NAP1L1: variants seen among roughly 807,000 people sequenced by gnomAD.
NAP1L1 encodes nucleosome assembly protein 1 like 1.
In NAP1L1, 9 loss-of-function variants were observed where a neutral mutation model predicts 58.9. The ratio of observed to expected loss-of-function variants is 0.15; its 90% CI spans 0.09 to 0.27. The LOEUF is 0.27. Among genes scored for constraint, NAP1L1 ranks in the 10% least tolerant of loss-of-function variants. NAP1L1 has a pLI of 1.00. For missense variants in NAP1L1, 302 were observed against 458.8 expected (o/e 0.66, Z 3.12); for synonymous variants, 130 against 138.3 (o/e 0.94, Z 0.42).
chr12:76,068,691 A>G (rs148698428), intron 3 of NAP1L1: 33 of 445,464 alleles, frequency 7.4e-5, no homozygotes, highest in African/African-American at 6.6e-4. Flanking sequence ...GGATGCAAAC[A>G]ATGACTTCTA....
At chr12:76,075,075 C>T (rs1442476382) in intron 1 of NAP1L1, among the ~76,000 whole-genome samples, 1 of 152,070 alleles carries the variant, frequency 6.6e-6, no homozygotes, top group East Asian at 1.9e-4. Flanking sequence ...TGTGTTATAT[C>T]CAGGCAGAAA....
rs1004194764 is a variant in NAP1L1 at position 76,044,573 on chromosome 12, A to G, written c.*3856T>C. On this transcript the variant is annotated 3_prime_UTR_variant, in exon 15 of 15. Coordinates refer to ENST00000618691, the MANE Select transcript of NAP1L1 (RefSeq NM_004537.7). ...GCCTCAATAAGCCCACTGTAAGTCA[A>G]AAATATCATAAGTAGAAGATGTGTT... 2 of 152,214 alleles carry G rather than the reference A, an allele frequency of 1.3e-5. No homozygotes were observed. The highest frequency in any genetic ancestry group is 2.9e-5 in the Non-Finnish European group (2 of 68,042). 9.4% of individuals were successfully genotyped at this position (152,214 alleles called of 1,614,324 possible). A position where few individuals can be genotyped will look rare whatever the true frequency, so the allele number is the denominator to read the frequency against.
rs531753763 is a variant in NAP1L1 at position 76,073,138 on chromosome 12, T to C, written c.17+1065A>G. Among the ~76,000 whole-genome samples, 4 of 152,228 alleles carry C rather than the reference T, an allele frequency of 2.6e-5. No individual in the cohort carries two copies. In the South Asian group the frequency reaches 6.2e-4, roughly 24 times the overall value. On this transcript the variant is annotated intron_variant, in intron 2 of 14. Transcript: ENST00000618691. ...GTTTTTTTTAATGCTGAAGACAGAA[T>C]GCATAAGTCACTCATCTGTTTTTTT...
chr12:76,053,691 C>A, intron 9 of NAP1L1, 79 bp downstream of exon 9: 1 of 1,502,360 alleles, frequency 6.7e-7, no homozygotes, highest in Non-Finnish European at 9.0e-7. Context: ...ACATATGTAA[C>A]TGAAAATAAC....
chr12:76,079,478 T>A (rs1437904800), intron 1 of NAP1L1, among the ~76,000 whole-genome samples: 2 of 151,814 alleles, frequency 1.3e-5, no homozygotes, highest in Non-Finnish European at 1.5e-5. Flanking sequence ...TCAACATACC[T>A]CCTTAAAAAA....
At position 76,039,626 on chromosome 12, in the gene NAP1L1, C is replaced by G. The variant is rs1356367483; in HGVS notation, c.*8803G>C. On this transcript the variant is annotated 3_prime_UTR_variant, in exon 15 of 15. Coordinates refer to ENST00000618691, the MANE Select transcript of NAP1L1 (RefSeq NM_004537.7). ...TCTCTGAAAGCTCTAGCCTAAAGAA[C>G]ATGCTTATTTAACCACTAGTTGTGT... The G allele has an allele frequency of 6.6e-6, 1 of 152,174 alleles. No individual in the cohort carries two copies. The highest frequency in any genetic ancestry group is 1.5e-5 in the Non-Finnish European group (1 of 68,016). 9.4% of individuals were successfully genotyped at this position (152,174 alleles called of 1,614,324 possible).
chr12:76,038,509 G>C lies in NAP1L1; in HGVS notation c.*9920C>G, dbSNP rs1948519622. The C allele has an allele frequency of 6.6e-6, 1 of 152,264 alleles. No individual in the cohort carries two copies. The highest frequency in any genetic ancestry group is 1.5e-5 in the Non-Finnish European group (1 of 68,026). 9.4% of individuals were successfully genotyped at this position (152,264 alleles called of 1,614,324 possible). ...GGGCAAATACCTTTCTTAGGTGATA[G>C]AGGACATATAGCAGTGAGTGTAGAC... On this transcript the variant is annotated 3_prime_UTR_variant, in exon 15 of 15. Coordinates refer to ENST00000618691, the MANE Select transcript of NAP1L1 (RefSeq NM_004537.7).
chr12:76,057,502 G>C (rs369828374), intron 6 of NAP1L1: 18 of 679,568 alleles, frequency 2.6e-5, no homozygotes, highest in South Asian at 2.2e-4. Flanking sequence ...CGGGAGCAGA[G>C]CTGGCGGGGC....
Position 76,056,162 on chromosome 12 carries a change from CTTGA to C in NAP1L1, c.430-5_430-2del, listed in dbSNP as rs750083280. On this transcript the variant is annotated splice_acceptor_variant and splice_polypyrimidine_tract_variant and intron_variant, in intron 6 of 14. Coordinates refer to ENST00000618691, the MANE Select transcript of NAP1L1 (RefSeq NM_004537.7). LOFTEE classifies it high-confidence loss of function. ...TCTTGGCCTTTTCTTTCAATTCCTC[CTTGA>C]TTAAGTGACAGCAAACATTATTTAA... The C allele has an allele frequency of 2.5e-6, 4 of 1,609,320 alleles. No individual in the cohort carries two copies. Among genetic ancestry groups the C allele is most frequent in the South Asian group, 2.2e-5 (2 of 90,268 alleles).
At chr12:76,053,727 A>C (rs767088138) in intron 9 of NAP1L1, 43 bp downstream of exon 9, 74 of 1,589,894 alleles carry the variant, frequency 4.7e-5, no homozygotes, top group Non-Finnish European at 6.3e-5. Flanking sequence ...AGTATAACAA[A>C]AACAGAAAAA....
At chr12:76,057,886 T>C in intron 6 of NAP1L1, 2 of 1,377,106 alleles carry the variant, frequency 1.5e-6, no homozygotes, top group Non-Finnish European at 2.0e-6. Context: ...AAAAGGTTAC[T>C]ATAGCCAAAA....
intron 1 of NAP1L1, among the ~76,000 whole-genome samples, chr12:76,079,283 T>C (rs188910456): frequency 6.6e-6 from 1 of 152,168 alleles, no homozygotes; most frequent in Non-Finnish European, 1.5e-5. Context: ...CTCAGCACTT[T>C]GGAAGGCTGG....
chr12:76,068,750 A>ACACACG, intron 3 of NAP1L1, 159 bp downstream of exon 3: 1 of 551,726 alleles, frequency 1.8e-6, no homozygotes, highest in East Asian at 3.1e-5. Flanking sequence ...ACACACACAC[A>ACACACG]CACACACACA....
chr12:76,063,880 TTAAAA>T (rs1394215733), intron 4 of NAP1L1, among the ~76,000 whole-genome samples: 3 of 56,514 alleles, frequency 5.3e-5, no homozygotes, highest in Non-Finnish European at 1.2e-4. Context: ...GGTTAAAAGT[TTAAAA>T]AAAAAAAAAA....
chr12:76,078,000 A>AG (rs1440540741), intron 1 of NAP1L1, among the ~76,000 whole-genome samples: 1,831 of 149,186 alleles, frequency 0.012, 108 homozygotes, highest in African/African-American at 0.044. Flanking sequence ...AAAAAAAAAA[A>AG]AGGAAAAGAA....
In NAP1L1 at chr12:76,059,884, A is replaced by T. The variant is rs1007366605; in HGVS notation, c.349-6T>A. 1 of 1,564,590 alleles carries T rather than the reference A, an allele frequency of 6.4e-7. No individual in the cohort carries two copies. ...GCATTAATAATTTCAAATCGCTAAAATGATTTAAAAAAAAAAGGCTGTATA... is the reference window on the plus strand; with the variant it reads ...GCATTAATAATTTCAAATCGCTAAATTGATTTAAAAAAAAAAGGCTGTATA... On this transcript the variant is annotated splice_region_variant and splice_polypyrimidine_tract_variant and intron_variant, in intron 5 of 14. Coordinates refer to ENST00000618691, the MANE Select transcript of NAP1L1 (RefSeq NM_004537.7).
At position 76,046,304 on chromosome 12, in the gene NAP1L1, A is replaced by G. The variant is rs1331324236; in HGVS notation, c.*2125T>C. ...TGACGTCCCTTAAAACTTCAATTTTATAAAGAAAATTCTTCTGCAAACCAC... is the reference window on the plus strand; with the variant it reads ...TGACGTCCCTTAAAACTTCAATTTTGTAAAGAAAATTCTTCTGCAAACCAC... On this transcript the variant is annotated 3_prime_UTR_variant, in exon 15 of 15. Coordinates refer to ENST00000618691, the MANE Select transcript of NAP1L1 (RefSeq NM_004537.7). The G allele has an allele frequency of 6.6e-6, 1 of 152,454 alleles. No individual in the cohort carries two copies. The highest frequency in any genetic ancestry group is 1.5e-5 in the Non-Finnish European group (1 of 67,914). The allele number at this position is 152,454 out of a possible 1,614,324, so 9.4% of individuals were successfully genotyped here. A position where few individuals can be genotyped will look rare whatever the true frequency, so the allele number is the denominator to read the frequency against.
chr12:76,050,999 A>C (rs1948796501), intron 11 of NAP1L1, among the ~76,000 whole-genome samples: 1 of 137,082 alleles, frequency 7.3e-6, no homozygotes, highest in Admixed American at 7.2e-5. Context: ...AGCCTGGGCA[A>C]CCGAAAAAAA....
intron 6 of NAP1L1, chr12:76,057,465 A>G (rs1949165199): frequency 1.6e-6 from 1 of 633,514 alleles, no homozygotes; most frequent in Admixed American, 2.3e-5. Context: ...AACGAGTTGC[A>G]TTTGTCGGCT....
Sources: gnomAD v4.1 joint callset for allele counts (sites outside exome capture counted in the v4.1 genomes callset) on GRCh38, gnomAD v4.1.1 for gene constraint, MANE v1.5 for transcripts, NCBI Gene and HGNC (gene_info 2026-07-23, HGNC 2026-07-21) for gene names.